The following CSMD1 variants were observed in gnomAD, a reference collection of about 807,000 sequenced individuals.
The protein encoded by CSMD1 is CUB and Sushi multiple domains 1, also known as CUB and sushi domain-containing protein 1.
CSMD1 carries 213 observed loss-of-function variants against 417.5 expected under a neutral mutation model. The observed-to-expected ratio is 0.51, with a 90% CI of 0.46 to 0.57. The LOEUF is 0.57. CSMD1 is among the 20% of genes least tolerant of loss of function. The pLI is 0.00. For synonymous variants in CSMD1, 2,862 were observed against 1,736.8 expected (o/e 1.65, Z -16.11); for missense variants, 6,923 against 4,529.7 (o/e 1.53, Z -15.17).
At chr8:4,199,901 G>C (rs541364253) in intron 3 of CSMD1, among the ~76,000 whole-genome samples, 1 of 152,146 alleles carries the variant, frequency 6.6e-6, no homozygotes, top group African/African-American at 2.4e-5. Context: ...TGGAAGACAA[G>C]TCATACATTT....
chr8:3,881,098 ATAT>A (rs879292409), intron 5 of CSMD1, among the ~76,000 whole-genome samples: 4 of 152,172 alleles, frequency 2.6e-5, no homozygotes, highest in Admixed American at 1.3e-4. Context: ...GAAATCTGAA[ATAT>A]TATTGACTGA....
intron 3 of CSMD1, among the ~76,000 whole-genome samples, chr8:4,173,305 T>G (rs900351102): frequency 1.2e-4 from 19 of 152,234 alleles, no homozygotes; most frequent in African/African-American, 4.6e-4. Context: ...CAAATTGAAG[T>G]GGGAAATTTG....
chr8:3,922,105 G>T (rs1809318018), intron 5 of CSMD1, among the ~76,000 whole-genome samples: 1 of 151,204 alleles, frequency 6.6e-6, no homozygotes, highest in South Asian at 2.1e-4. Context: ...TTCATGAATT[G>T]ACCCCTTTAT....
At position 4,071,241 on chromosome 8, in the gene CSMD1, T is replaced by C. The variant is rs144479986; in HGVS notation, c.416-39142A>G. 4.0e-3 allele frequency among the ~76,000 whole-genome samples: 609 copies of C among 152,288 alleles called. 5 individuals carry two copies. The highest frequency in any genetic ancestry group is 0.017 in the Middle Eastern group (5 of 294). ...AGCTAAACGTCTGTTAGGCCTGATA[T>C]TGTCCCAAAGAAGCCTGACGCCCTG... is the stretch of plus-strand genomic sequence containing the variant. On this transcript the variant is annotated intron_variant, in intron 3 of 69. Transcript: ENST00000635120.
intron 3 of CSMD1, among the ~76,000 whole-genome samples, chr8:4,255,633 G>T (rs368818465): frequency 6.6e-6 from 1 of 152,090 alleles, no homozygotes; most frequent in Non-Finnish European, 1.5e-5. Flanking sequence ...CAACAACCTC[G>T]CACTGCATCA....
chr8:4,936,303 G>A lies in CSMD1; in HGVS notation c.85+58029C>T, dbSNP rs146652863. Among the ~76,000 whole-genome samples, 126 of 152,202 alleles carry A rather than the reference G, an allele frequency of 8.3e-4. 2 individuals carry two copies. The Middle Eastern group carries it at 0.041, about 50-fold the overall frequency. ...ATTTCAATTTTAAAATGTGTGCATGGGATTGTGAATAAACAAACAGGGACA... is the reference window on the plus strand; with the variant it reads ...ATTTCAATTTTAAAATGTGTGCATGAGATTGTGAATAAACAAACAGGGACA... On this transcript the variant is annotated intron_variant, in intron 1 of 69. Transcript: ENST00000635120.
intron 2 of CSMD1, among the ~76,000 whole-genome samples, chr8:4,451,021 GAA>G (rs11344044): frequency 0.16 from 24,700 of 150,920 alleles, 2,183 homozygotes; most frequent in South Asian, 0.28. Context: ...CCAACGTGGG[GAA>G]AAAAAAAATG....
chr8:4,031,882 C>A, intron 4 of CSMD1, 23 bp downstream of exon 4: 2 of 1,585,406 alleles, frequency 1.3e-6, no homozygotes, highest in Non-Finnish European at 8.6e-7. Flanking sequence ...AGTCTGCTCA[C>A]CAGCCCCCTT....
At chr8:4,389,813 T>G (rs1803722032) in intron 3 of CSMD1, among the ~76,000 whole-genome samples, 1 of 151,706 alleles carries the variant, frequency 6.6e-6, no homozygotes, top group African/African-American at 2.4e-5. Context: ...ACTACTTTAT[T>G]TAAAGTACTC....
At chr8:3,971,539 C>T (rs893161198) in intron 5 of CSMD1, among the ~76,000 whole-genome samples, 34 of 152,024 alleles carry the variant, frequency 2.2e-4, no homozygotes, top group African/African-American at 8.0e-4. Flanking sequence ...AAATATGAAG[C>T]AGTCAAAGTC....
At chr8:3,436,551 C>T (rs555503532) in intron 12 of CSMD1, among the ~76,000 whole-genome samples, 1 of 152,118 alleles carries the variant, frequency 6.6e-6, no homozygotes, top group African/African-American at 2.4e-5. Context: ...ATCATTGTTT[C>T]ATTTTCTTTT....
In CSMD1 at chr8:4,045,826, T is replaced by A. The variant is rs571395549; in HGVS notation, c.416-13727A>T. On this transcript the variant is annotated intron_variant, in intron 3 of 69. Coordinates refer to ENST00000635120, the MANE Select transcript of CSMD1 (RefSeq NM_033225.6). ...GAGACATGGCTTCTCAGCATCTTCA[T>A]CATCCCCTTTTTCTTTCAGACTCTG... Among the ~76,000 whole-genome samples, 10 of 152,188 alleles carry A rather than the reference T, an allele frequency of 6.6e-5. No individual in the cohort carries two copies. In the East Asian group the frequency reaches 1.9e-3, roughly 29 times the overall value.
intron 3 of CSMD1, among the ~76,000 whole-genome samples, chr8:4,144,393 C>A (rs1320554107): frequency 6.6e-6 from 1 of 151,138 alleles, no homozygotes; most frequent in African/African-American, 2.5e-5. Flanking sequence ...CTTAATTTAT[C>A]TTTTCTGTTT....
chr8:3,809,560 C>T (rs940996837), intron 5 of CSMD1, among the ~76,000 whole-genome samples: 3 of 152,102 alleles, frequency 2.0e-5, no homozygotes, highest in East Asian at 3.9e-4. Context: ...ATCGGATTCA[C>T]TGGGAGAGCT....
At chr8:3,688,559 A>G (rs913218504) in intron 7 of CSMD1, among the ~76,000 whole-genome samples, 7 of 152,242 alleles carry the variant, frequency 4.6e-5, no homozygotes, top group Non-Finnish European at 1.0e-4. Flanking sequence ...GCATGTGCTT[A>G]ATAAATGTTA....
chr8:4,744,032 C>T (rs961444320), intron 1 of CSMD1, among the ~76,000 whole-genome samples: 7 of 152,240 alleles, frequency 4.6e-5, no homozygotes, highest in African/African-American at 1.7e-4. Flanking sequence ...GCCAGGCTGG[C>T]ACACGCAGCC....
chr8:3,355,689 G>C (rs1326148836), intron 21 of CSMD1, among the ~76,000 whole-genome samples: 13 of 152,182 alleles, frequency 8.5e-5, no homozygotes, highest in Admixed American at 8.5e-4. Context: ...GAGAGATGCT[G>C]AGACCTCAGG....
chr8:4,925,058 G>T (rs921536870), intron 1 of CSMD1, among the ~76,000 whole-genome samples: 5 of 152,050 alleles, frequency 3.3e-5, no homozygotes, highest in African/African-American at 1.2e-4. Flanking sequence ...ACCTTAAATA[G>T]TTTGGGTTGT....
intron 10 of CSMD1, among the ~76,000 whole-genome samples, chr8:3,565,197 G>GATA (rs1239486308): frequency 1.1e-5 from 1 of 87,636 alleles, no homozygotes; most frequent in African/African-American, 4.0e-5. Context: ...TACATAGATA[G>GATA]ACAGATAGAT....
Sources: allele counts gnomAD v4.1 joint callset (sites outside exome capture counted in the v4.1 genomes callset), GRCh38; gene constraint gnomAD v4.1.1; transcripts MANE v1.5; gene names NCBI Gene and HGNC (gene_info 2026-07-23, HGNC 2026-07-21).